Variants in ANKRD40 observed in about 807,000 individuals in gnomAD.
ANKRD40 encodes ankyrin repeat domain-containing protein 40.
Under a neutral mutation model 35.5 loss-of-function variants are expected in ANKRD40, and 24 were observed. The observed-to-expected ratio is 0.68, with a 90% CI of 0.49 to 0.95. The LOEUF (loss-of-function observed/expected upper bound fraction) is 0.95, where lower values mean the gene tolerates loss of function less well. Among genes scored for constraint, ANKRD40 ranks in the 40% least tolerant of loss-of-function variants. The pLI, the probability that ANKRD40 is intolerant of heterozygous loss-of-function variation, is 0.00. For synonymous variants in ANKRD40, 147 were observed against 173.5 expected (o/e 0.85, Z 1.20); for missense variants, 361 against 436.0 (o/e 0.83, Z 1.53).
chr17:50,704,763 C>T (rs1015238768), intron 1 of ANKRD40, among the ~76,000 whole-genome samples: 3 of 152,132 alleles, frequency 2.0e-5, no homozygotes, highest in Admixed American at 6.6e-5. Flanking sequence ...ATGGAGAGAA[C>T]AGTAACTATG....
Position 50,696,027 on chromosome 17 carries a change from A to T in ANKRD40, c.1077T>A (p.Tyr359Ter), listed in dbSNP as rs1255947733. The change falls in exon 5 of 5, where the codon TAT becomes TAA. Residue 359 changes from tyrosine (Y) to a stop codon, truncating the protein, a stop_gained. Coordinates refer to ENST00000285243, the MANE Select transcript of ANKRD40 (RefSeq NM_052855.4). LOFTEE classifies it high-confidence loss of function. ...AAGTCAGTTTTGAAGCTCTCCTGTT[A>T]TAGCAAGGCCTTTCAGTCAGTGTGG... ...AASTLTERPC[Y>*]NRRASKLTY 6.2e-7 allele frequency: 1 copy of T among 1,614,218 alleles called. No homozygotes were observed. The highest frequency in any genetic ancestry group is 1.1e-5 in the South Asian group (1 of 91,086).
chr17:50,699,877 ATCATCT>A lies in ANKRD40; in HGVS notation c.294_299del (p.Glu98_Asp99del). On this transcript the variant is annotated inframe_deletion, in exon 3 of 5. Coordinates refer to ENST00000285243, the MANE Select transcript of ANKRD40 (RefSeq NM_052855.4). ...GGAGGTTGTCATCATCATCATCATC[ATCATCT>A]TCTTCTTCCACTTAAAAAGAAGAAA... is the stretch of plus-strand genomic sequence containing the variant. 6.6e-7 allele frequency: 1 copy of A among 1,510,430 alleles called. No individual in the cohort carries two copies. The allele number at this position is 1,510,430 out of a possible 1,614,324, so 93.6% of individuals were successfully genotyped here.
chr17:50,700,647 A>G lies in ANKRD40; in HGVS notation c.204T>C (p.Ala68=). ...QVVSYLLKSG[A]DKEILTTKGE... ...CTTTTGTGGTAAGAATTTCTTTGTC[A>G]GCTCCTGATTTTAACAGGTAAGAGA... Residue 68 remains alanine, a synonymous_variant, in exon 2 of 5, where the codon GCT becomes GCC. Coordinates refer to ENST00000285243, the MANE Select transcript of ANKRD40 (RefSeq NM_052855.4). The G allele has an allele frequency of 6.2e-7, 1 of 1,614,094 alleles. No individual in the cohort carries two copies. Among genetic ancestry groups the G allele is most frequent in the Non-Finnish European group, 8.5e-7 (1 of 1,180,032 alleles).
chr17:50,699,549 G>A lies in ANKRD40; in HGVS notation c.628C>T (p.Gln210Ter), dbSNP rs890105560. The change falls in exon 3 of 5, where the codon CAG becomes TAG. Residue 210 changes from glutamine to a stop codon, truncating the protein, a stop_gained. Transcript: ENST00000285243. LOFTEE classifies it high-confidence loss of function. ...PESTKPGPVC[Q>*]PPVSQSRSLF... ...GAGCGGCTCTGACTCACTGGTGGCT[G>A]ACAAACAGGACCCGGTTTTGTGCTT... is the stretch of plus-strand genomic sequence containing the variant. The A allele has an allele frequency of 6.2e-7, 1 of 1,614,202 alleles. No individual in the cohort carries two copies. The highest frequency in any genetic ancestry group is 1.7e-5 in the Admixed American group (1 of 60,024).
chr17:50,697,862 C>T (rs1968218185), intron 3 of ANKRD40, among the ~76,000 whole-genome samples: 1 of 152,172 alleles, frequency 6.6e-6, no homozygotes, highest in African/African-American at 2.4e-5. Context: ...TCCTCAAAAA[C>T]AGGAAGTGAG....
intron 1 of ANKRD40, among the ~76,000 whole-genome samples, chr17:50,701,286 T>C (rs1422578189): frequency 6.6e-6 from 1 of 152,192 alleles, no homozygotes; most frequent in Non-Finnish European, 1.5e-5. Context: ...TTTCCAAATT[T>C]CCATTTTTAA....
chr17:50,707,502 TC>T lies in ANKRD40; in HGVS notation c.134+18del. On this transcript the variant is annotated intron_variant, in intron 1 of 4. Transcript: ENST00000285243. This position sits in a 1 kb window ranked among gnomAD's most constrained non-coding sequence, Gnocchi z 4.8. ...CGACCGGCTGCCCTGACCCTAGGCC[TC>T]CCCCGCTCCCCACTTACCAGCCGTT... 1.9e-6 allele frequency: 3 copies of T among 1,600,718 alleles called. No individual in the cohort carries two copies. Among genetic ancestry groups the T allele is most frequent in the South Asian group, 1.1e-5 (1 of 90,442 alleles).
At position 50,695,318 on chromosome 17, in the gene ANKRD40, GAGA is replaced by G. The variant is rs1300292728; in HGVS notation, c.*676_*678del. Reference sequence around the variant, plus strand: ...GTTAATGCAGAGATGACTCGAGACAGAGAAGCAGTCATGAGTGTTTACAAAGGA... The same window carrying G: ...GTTAATGCAGAGATGACTCGAGACAGAGCAGTCATGAGTGTTTACAAAGGA... On this transcript the variant is annotated 3_prime_UTR_variant, in exon 5 of 5. Coordinates refer to ENST00000285243, the MANE Select transcript of ANKRD40 (RefSeq NM_052855.4). The G allele has an allele frequency of 1.3e-5, 2 of 152,416 alleles. No homozygotes were observed. Among genetic ancestry groups the G allele is most frequent in the African/African-American group, 4.8e-5 (2 of 41,458 alleles). The allele number at this position is 152,416 out of a possible 1,614,324, so 9.4% of individuals were successfully genotyped here.
In ANKRD40 at chr17:50,697,029, C is replaced by G; in HGVS notation, c.871G>C (p.Glu291Gln). Residue 291 changes from glutamate (E) to glutamine (Q), a missense_variant, in exon 4 of 5, where the codon GAG (glutamate) becomes CAG (glutamine). Coordinates refer to ENST00000285243, the MANE Select transcript of ANKRD40 (RefSeq NM_052855.4). ...ELDRQELTYQ[E>Q]LLRVCCCELG... ...TCACAGCAACACACTCTGAGCAACT[C>G]TTGGTAGGTGAGCTCCTGTCGGTCC... 2 of 1,614,170 alleles carry G rather than the reference C, an allele frequency of 1.2e-6. No individual in the cohort carries two copies. The highest frequency in any genetic ancestry group is 1.7e-6 in the Non-Finnish European group (2 of 1,180,030).
intron 1 of ANKRD40, among the ~76,000 whole-genome samples, chr17:50,703,108 C>A (rs777237161): frequency 6.6e-6 from 1 of 151,956 alleles, no homozygotes; most frequent in Non-Finnish European, 1.5e-5. Context: ...GATTACTGAG[C>A]AACTAAGACT....
intron 1 of ANKRD40, among the ~76,000 whole-genome samples, chr17:50,702,522 G>A (rs568829618): frequency 6.6e-6 from 1 of 152,260 alleles, no homozygotes; most frequent in Admixed American, 6.5e-5. Flanking sequence ...GTGTGTGGAT[G>A]TCTGTGGCAC....
Position 50,707,373 on chromosome 17 carries a change from C to G in ANKRD40, c.134+148G>C. On this transcript the variant is annotated intron_variant, in intron 1 of 4. Transcript: ENST00000285243. This position sits in a 1 kb window ranked among gnomAD's most constrained non-coding sequence, Gnocchi z 4.8. ...ACCGCACGAGGCATGGGGGCCAGGG[C>G]TGGCCTCAAGAGAGCACAATCTCGG... 8.2e-7 allele frequency: 1 copy of G among 1,226,314 alleles called. No homozygotes were observed. The highest frequency in any genetic ancestry group is 1.1e-6 in the Non-Finnish European group (1 of 905,336). The allele number at this position is 1,226,314 out of a possible 1,614,324, so 76.0% of individuals were successfully genotyped here.
At chr17:50,705,107 C>T (rs1968316400) in intron 1 of ANKRD40, among the ~76,000 whole-genome samples, 1 of 116,122 alleles carries the variant, frequency 8.6e-6, no homozygotes, top group African/African-American at 3.3e-5. Flanking sequence ...GGCGAGAGTG[C>T]GAGACTCTGT....
At position 50,697,125 on chromosome 17, in the gene ANKRD40, GA is replaced by G. The variant is rs762144895; in HGVS notation, c.779-5del. On this transcript the variant is annotated splice_polypyrimidine_tract_variant and splice_region_variant and intron_variant, in intron 3 of 4. Coordinates refer to ENST00000285243, the MANE Select transcript of ANKRD40 (RefSeq NM_052855.4). ...ATTCTCACCTTGAGTACCAGCTCTA[GA>G]AAAAAAAGGAGAAATGTTAATGAAT... The G allele has an allele frequency of 3.4e-5, 54 of 1,597,902 alleles. No homozygotes were observed. Among genetic ancestry groups the G allele is most frequent in the Non-Finnish European group, 4.4e-5 (52 of 1,174,170 alleles).
rs752759058 is a variant in ANKRD40, at chr17:50,696,018, T to C, written c.1086A>G (p.Arg362=). The C allele has an allele frequency of 6.2e-7, 1 of 1,614,146 alleles. No homozygotes were observed. The highest frequency in any genetic ancestry group is 8.5e-7 in the Non-Finnish European group (1 of 1,180,014). The part of the protein sequence containing the change: ...TLTERPCYNR[R]ASKLTY The stretch of plus-strand genomic sequence containing the variant: ...TGCATTAGTAAGTCAGTTTTGAAGC[T>C]CTCCTGTTATAGCAAGGCCTTTCAG... The change falls in exon 5 of 5, where the codon AGA becomes AGG. Residue 362 remains arginine, a synonymous_variant. Coordinates refer to ENST00000285243, the MANE Select transcript of ANKRD40 (RefSeq NM_052855.4).
intron 3 of ANKRD40, among the ~76,000 whole-genome samples, chr17:50,698,001 G>T (rs1040754920): frequency 1.3e-5 from 2 of 151,992 alleles, no homozygotes; most frequent in Non-Finnish European, 2.9e-5. Flanking sequence ...GAGAAATATT[G>T]ATATCTTTCC....
intron 2 of ANKRD40, among the ~76,000 whole-genome samples, 159 bp from the exon 3 acceptor site, chr17:50,700,052 TATCTTA>T (rs1968251177): frequency 6.6e-6 from 1 of 152,196 alleles, no homozygotes; most frequent in South Asian, 2.1e-4. Context: ...TTTTTATCAT[TATCTTA>T]AATTTTACAA....
In ANKRD40 at chr17:50,699,516, A is replaced by G. The variant is rs769616613; in HGVS notation, c.661T>C (p.Ser221Pro). 1 of 1,614,222 alleles carries G rather than the reference A, an allele frequency of 6.2e-7. No homozygotes were observed. Among genetic ancestry groups the G allele is most frequent in the Non-Finnish European group, 8.5e-7 (1 of 1,180,040 alleles). ...ATTGGTGGCTTGGACGGGACAGAAGAAAACAGGGAGCGGCTCTGACTCACT... is the reference window on the plus strand; with the variant it reads ...ATTGGTGGCTTGGACGGGACAGAAGGAAACAGGGAGCGGCTCTGACTCACT... ...PPVSQSRSLF[S>P]SVPSKPPMSL... The change falls in exon 3 of 5, where the codon TCT becomes CCT. Residue 221 changes from serine to proline, a missense_variant. Physicochemically the swap from Ser to Pro is moderately conservative, Grantham distance 74. Transcript: ENST00000285243.
At chr17:50,697,869 T>C (rs1292190345) in intron 3 of ANKRD40, among the ~76,000 whole-genome samples, 19 of 152,166 alleles carry the variant, frequency 1.2e-4, no homozygotes, top group Admixed American at 1.2e-3. Flanking sequence ...AAACAGGAAG[T>C]GAGAGAGTTA....
Sources: allele counts gnomAD v4.1 joint callset (sites outside exome capture counted in the v4.1 genomes callset), GRCh38; gene constraint gnomAD v4.1.1; non-coding constraint Gnocchi (gnomAD v3.1); transcripts MANE v1.5; gene names NCBI Gene and HGNC (gene_info 2026-07-23, HGNC 2026-07-21).